The following HS3ST5 variants were observed in gnomAD, a reference collection of about 807,000 sequenced individuals.
The protein encoded by HS3ST5 is heparan sulfate glucosamine 3-O-sulfotransferase 5.
Under a neutral mutation model 25.4 loss-of-function variants are expected in HS3ST5, and 10 were observed. That is an observed-to-expected ratio of 0.39 (90% CI 0.24 to 0.67). The LOEUF (loss-of-function observed/expected upper bound fraction) is 0.67. Among genes scored for constraint, HS3ST5 ranks in the 30% least tolerant of loss-of-function variants. HS3ST5 has a pLI of 0.44. For missense variants in HS3ST5, 324 were observed against 420.7 expected (o/e 0.77, Z 2.01); for synonymous variants, 170 against 162.4 (o/e 1.05, Z -0.36).
chr6:114,282,175 A>G (rs1582785123), intron 1 of HS3ST5, among the ~76,000 whole-genome samples: 1 of 152,028 alleles, frequency 6.6e-6, no homozygotes, highest in Non-Finnish European at 1.5e-5. Context: ...GCGAAGAAAC[A>G]TTCTTTCTAA....
chr6:114,292,071 T>C (rs1224348347), intron 1 of HS3ST5, among the ~76,000 whole-genome samples: 4 of 150,188 alleles, frequency 2.7e-5, no homozygotes, highest in Non-Finnish European at 4.5e-5. Context: ...TGAAATAACA[T>C]TTAAAGGGAA....
chr6:114,164,930 A>G (rs1779135087), intron 3 of HS3ST5, among the ~76,000 whole-genome samples: 1 of 152,158 alleles, frequency 6.6e-6, no homozygotes, highest in South Asian at 2.1e-4. Flanking sequence ...CTTCCCTTCA[A>G]CATCTACAAG....
At chr6:114,338,967 T>C (rs1266054458) in intron 1 of HS3ST5, among the ~76,000 whole-genome samples, 3 of 152,142 alleles carry the variant, frequency 2.0e-5, no homozygotes, top group African/African-American at 7.2e-5. Flanking sequence ...TTTAAATGAT[T>C]TGAAATCTAT....
chr6:114,074,751 A>G (rs1049373294), intron 3 of HS3ST5, among the ~76,000 whole-genome samples: 2 of 152,176 alleles, frequency 1.3e-5, no homozygotes, highest in African/African-American at 4.8e-5. Context: ...AGTAACATTG[A>G]TAGCAAAAGT....
chr6:114,131,012 A>T (rs1777304995), intron 3 of HS3ST5, among the ~76,000 whole-genome samples: 1 of 152,178 alleles, frequency 6.6e-6, no homozygotes, highest in African/African-American at 2.4e-5. Context: ...ACTGCACTCC[A>T]GCCTGGGCAA....
rs118143541 is a variant in HS3ST5 at position 114,316,286 on chromosome 6, A to G, written c.-339+25909T>C. Reference sequence around the variant, plus strand: ...TTTGTACAAATTATACCAAAATGTCATCTGCTTTTGGAAGTTACTCTTCCA... The same window carrying G: ...TTTGTACAAATTATACCAAAATGTCGTCTGCTTTTGGAAGTTACTCTTCCA... On this transcript the variant is annotated intron_variant, in intron 1 of 4. Coordinates refer to ENST00000312719, the MANE Select transcript of HS3ST5 (RefSeq NM_153612.4). 6.0e-3 allele frequency among the ~76,000 whole-genome samples: 907 copies of G among 152,328 alleles called. 5 individuals are homozygous for G. The highest frequency in any genetic ancestry group is 0.024 in the Middle Eastern group (7 of 292).
At chr6:114,336,855 A>G (rs1776631833) in intron 1 of HS3ST5, among the ~76,000 whole-genome samples, 1 of 152,272 alleles carries the variant, frequency 6.6e-6, no homozygotes, top group South Asian at 2.1e-4. Context: ...TGACATTTTA[A>G]TATGTTCTTG....
chr6:114,184,376 A>G (rs1780114984), intron 2 of HS3ST5, among the ~76,000 whole-genome samples: 1 of 152,180 alleles, frequency 6.6e-6, no homozygotes, highest in Admixed American at 6.5e-5. Context: ...TTCAGAAGAC[A>G]GTACTGTAGA....
chr6:114,273,576 A>C (rs1025629345), intron 1 of HS3ST5, among the ~76,000 whole-genome samples: 2 of 152,056 alleles, frequency 1.3e-5, no homozygotes, highest in African/African-American at 4.8e-5. Flanking sequence ...GAGGAGAAAT[A>C]AACAAGATGC....
At chr6:114,237,328 A>G (rs1232606370) in intron 1 of HS3ST5, among the ~76,000 whole-genome samples, 1 of 135,052 alleles carries the variant, frequency 7.4e-6, no homozygotes, top group Non-Finnish European at 1.6e-5. Flanking sequence ...AGATACGAGT[A>G]CTTTTTTTTT....
chr6:114,197,461 A>G (rs935590910), intron 2 of HS3ST5, among the ~76,000 whole-genome samples: 3 of 152,144 alleles, frequency 2.0e-5, no homozygotes, highest in Admixed American at 1.3e-4. Flanking sequence ...AAAAAATCTC[A>G]TTGTATATAT....
chr6:114,084,085 CTT>C (rs367546368), intron 3 of HS3ST5: 4,169 of 452,234 alleles, frequency 9.2e-3, no homozygotes, highest in South Asian at 0.011. Flanking sequence ...ATTTTCTTTT[CTT>C]TTTTTTTTTT....
chr6:114,329,160 C>T (rs778434316), intron 1 of HS3ST5, among the ~76,000 whole-genome samples: 11 of 152,120 alleles, frequency 7.2e-5, no homozygotes, highest in African/African-American at 9.7e-5. Flanking sequence ...CTTCTAATTG[C>T]TGGCAAATTT....
intron 1 of HS3ST5, among the ~76,000 whole-genome samples, chr6:114,294,221 G>GA (rs933742074): frequency 3.3e-5 from 5 of 151,968 alleles, no homozygotes; most frequent in African/African-American, 1.2e-4. Context: ...ATTGGAAGCA[G>GA]AAAAAAAACC....
At chr6:114,133,758 A>G (rs1777461060) in intron 3 of HS3ST5, among the ~76,000 whole-genome samples, 1 of 152,204 alleles carries the variant, frequency 6.6e-6, no homozygotes, top group South Asian at 2.1e-4. Context: ...GCAGAGTTAG[A>G]AATATGTGCA....
chr6:114,229,646 T>C (rs1771480266), intron 1 of HS3ST5, among the ~76,000 whole-genome samples: 1 of 152,254 alleles, frequency 6.6e-6, no homozygotes, highest in African/African-American at 2.4e-5. Flanking sequence ...AGTGGTCATG[T>C]GACCCCACTT....
At chr6:114,159,242 A>G (rs1364133858) in intron 3 of HS3ST5, among the ~76,000 whole-genome samples, 2 of 152,210 alleles carry the variant, frequency 1.3e-5, no homozygotes, top group African/African-American at 4.8e-5. Context: ...ACTCCTTGGA[A>G]TAGACCCAAC....
chr6:114,165,807 T>C (rs995475112), intron 3 of HS3ST5, among the ~76,000 whole-genome samples: 1 of 152,174 alleles, frequency 6.6e-6, no homozygotes, highest in Non-Finnish European at 1.5e-5. Flanking sequence ...CTCTGGATTT[T>C]AGCTTCCTTG....
rs746045586 is a variant in HS3ST5 at position 114,306,255 on chromosome 6, A to ATATATATATG, written c.-339+35939_-339+35940insCATATATATA. On this transcript the variant is annotated intron_variant, in intron 1 of 4. Transcript: ENST00000312719. ...GAAATATACATATATATATATATATATACACACACACACACACACACACAT... is the reference window on the plus strand; with the variant it reads ...GAAATATACATATATATATATATATATATATATATGTACACACACACACACACACACACAT... Among the ~76,000 whole-genome samples the ATATATATATG allele has an allele frequency of 4.7e-3, 582 of 123,732 alleles. 6 individuals are homozygous for ATATATATATG. The highest frequency in any genetic ancestry group is 0.02 in the Middle Eastern group (5 of 246). The allele number at this position is 123,732 out of a possible 152,430, so 81.2% of individuals were successfully genotyped here.
Sources: allele counts gnomAD v4.1 joint callset (sites outside exome capture counted in the v4.1 genomes callset), GRCh38; gene constraint gnomAD v4.1.1; transcripts MANE v1.5; gene names NCBI Gene and HGNC (gene_info 2026-07-23, HGNC 2026-07-21).